Variants in PRKDC observed in about 807,000 individuals in gnomAD.
PRKDC encodes the protein DNA-dependent protein kinase catalytic subunit.
Under a neutral mutation model 486.9 loss-of-function variants are expected in PRKDC, and 82 were observed. The observed-to-expected ratio is 0.17, with a 90% CI of 0.14 to 0.20. The LOEUF is 0.20. PRKDC is among the 10% of genes least tolerant of loss of function. PRKDC has a pLI of 1.00. For synonymous variants in PRKDC, 1,895 were observed against 1,837.0 expected (o/e 1.03, Z -0.81); for missense variants, 4,504 against 5,038.2 (o/e 0.89, Z 3.21).
intron 73 of PRKDC, among the ~76,000 whole-genome samples, chr8:47,795,533 C>T (rs2086967238): frequency 7.1e-6 from 1 of 141,454 alleles, no homozygotes; most frequent in South Asian, 2.3e-4. Context: ...CACTGTATCG[C>T]TCAGGCTGGA....
In PRKDC at chr8:47,782,034, T is replaced by A; in HGVS notation, c.11489+128A>T. 1.4e-6 allele frequency: 1 copy of A among 713,046 alleles called. No individual in the cohort carries two copies. The highest frequency in any genetic ancestry group is 2.4e-6 in the Non-Finnish European group (1 of 423,718). The allele number at this position is 713,046 out of a possible 1,614,324, so 44.2% of individuals were successfully genotyped here. On this transcript the variant is annotated intron_variant, in intron 80 of 85. Coordinates refer to ENST00000314191, the MANE Select transcript of PRKDC (RefSeq NM_006904.7). This position sits in a 1 kb window ranked among gnomAD's most constrained non-coding sequence, Gnocchi z 4.9. Reference sequence around the variant, plus strand: ...GCAGCCAGCACTCCATTTGGTTTATTGACCCAGCCAGCAGACTGCGGGGCA... The same window carrying A: ...GCAGCCAGCACTCCATTTGGTTTATAGACCCAGCCAGCAGACTGCGGGGCA...
At chr8:47,823,673 G>A (rs2087658747) in intron 64 of PRKDC, among the ~76,000 whole-genome samples, 185 bp downstream of exon 64, 1 of 151,964 alleles carries the variant, frequency 6.6e-6, no homozygotes, top group Non-Finnish European at 1.5e-5. Context: ...CAGTTTCATA[G>A]TATGGTAGGC....
chr8:47,891,192 C>A (rs2089448395), intron 31 of PRKDC, among the ~76,000 whole-genome samples: 1 of 152,164 alleles, frequency 6.6e-6, no homozygotes, highest in Non-Finnish European at 1.5e-5. Flanking sequence ...GTTTATTACT[C>A]CAAGGTGCAC....
Position 47,859,747 on chromosome 8 carries a change from T to C in PRKDC, c.6071A>G (p.Tyr2024Cys), listed in dbSNP as rs770321679. Reference protein sequence around the residue: ...AANGDSDGPSYMSSLSYLADS... With the variant: ...AANGDSDGPSCMSSLSYLADS... ...TGCCAAATATGACAGGGAAGACATA[T>C]AGGAAGGACCATCTGAAATATAAAA... The change falls in exon 46 of 86, where the codon TAT becomes TGT. Residue 2024 changes from tyrosine to cysteine, a missense_variant. Coordinates refer to ENST00000314191, the MANE Select transcript of PRKDC (RefSeq NM_006904.7). 3.1e-6 allele frequency: 5 copies of C among 1,611,134 alleles called. No individual in the cohort carries two copies. The highest frequency in any genetic ancestry group is 4.5e-5 in the East Asian group (2 of 44,890).
In PRKDC at chr8:47,897,280, G is replaced by T. The variant is rs767391191; in HGVS notation, c.3479C>A (p.Ser1160Tyr). Residue 1160 changes from serine to tyrosine, a missense_variant, in exon 30 of 86, where the codon TCC becomes TAC. Ser to Tyr is a moderately radical substitution (Grantham distance 144, BLOSUM62 -2). Transcript: ENST00000314191. ...CAGATCCAATAAACACAATGATGCG[G>T]AAGGTGGAAATCCTCTGCACAGAGA... ...KRRLPRGFPP[S>Y]ASLCLLDLVK... 1.3e-6 allele frequency: 2 copies of T among 1,595,098 alleles called. No homozygotes were observed. Among genetic ancestry groups the T allele is most frequent in the Non-Finnish European group, 1.7e-6 (2 of 1,165,332 alleles).
chr8:47,903,869 G>A (rs1267263934), intron 26 of PRKDC, among the ~76,000 whole-genome samples: 4 of 152,054 alleles, frequency 2.6e-5, no homozygotes, highest in Non-Finnish European at 5.9e-5. Flanking sequence ...TTTATTATAG[G>A]TAGGATTCAC....
At position 47,900,467 on chromosome 8, in the gene PRKDC, C is replaced by G. The variant is rs779504008; in HGVS notation, c.3270G>C (p.Arg1090Ser). 1.2e-6 allele frequency: 2 copies of G among 1,601,492 alleles called. No homozygotes were observed. Among genetic ancestry groups the G allele is most frequent in the Non-Finnish European group, 1.7e-6 (2 of 1,173,670 alleles). Reference sequence around the variant, plus strand: ...ACTGTTCCACCAGAGACTCTTCTTCCCTGTAAAATAAAGAATAGGAAACCT... The same window carrying G: ...ACTGTTCCACCAGAGACTCTTCTTCGCTGTAAAATAAAGAATAGGAAACCT... Reference protein sequence around the residue: ...LAFNNIYREFREEESLVEQFV... With the variant: ...LAFNNIYREFSEEESLVEQFV... Residue 1090 changes from arginine to serine, a missense_variant and splice_region_variant, in exon 28 of 86, where the codon AGG becomes AGC. Physicochemically the swap from Arg to Ser is moderately radical, Grantham distance 110. Transcript: ENST00000314191.
intron 84 of PRKDC, among the ~76,000 whole-genome samples, chr8:47,777,274 T>A (rs2086624580): frequency 6.6e-6 from 1 of 152,040 alleles, no homozygotes; most frequent in Admixed American, 6.6e-5. Flanking sequence ...AGTGGCGTGA[T>A]CTCGGCTCAC....
intron 21 of PRKDC, among the ~76,000 whole-genome samples, chr8:47,922,033 G>C (rs915966880): frequency 2.0e-5 from 3 of 152,156 alleles, no homozygotes; most frequent in Non-Finnish European, 2.9e-5. Context: ...TGCCTACCTC[G>C]GCCTCCCTAA....
intron 66 of PRKDC, among the ~76,000 whole-genome samples, chr8:47,820,187 T>C (rs963857034): frequency 6.6e-6 from 1 of 151,954 alleles, no homozygotes; most frequent in Non-Finnish European, 1.5e-5. Flanking sequence ...CTGAGGCAGG[T>C]GAATCACCTG....
intron 77 of PRKDC, 95 bp from the exon 78 acceptor site, chr8:47,783,904 C>T: frequency 8.1e-7 from 1 of 1,227,998 alleles, no homozygotes; most frequent in Non-Finnish European, 1.2e-6. Flanking sequence ...AAAAGCCAAT[C>T]TAACATGATA....
intron 51 of PRKDC, among the ~76,000 whole-genome samples, chr8:47,853,432 G>A (rs532130431): frequency 3.5e-4 from 53 of 152,302 alleles, no homozygotes; most frequent in African/African-American, 7.0e-4. Flanking sequence ...CAGGGCAGGC[G>A]GAAACCCAGG....
At chr8:47,909,119 A>G (rs1436524584) in intron 25 of PRKDC, among the ~76,000 whole-genome samples, 1 of 152,120 alleles carries the variant, frequency 6.6e-6, no homozygotes, top group Admixed American at 6.5e-5. Flanking sequence ...GCCCATCTTC[A>G]GCCATAACAC....
intron 68 of PRKDC, among the ~76,000 whole-genome samples, chr8:47,811,724 C>T (rs1377322189): frequency 6.6e-6 from 1 of 152,134 alleles, no homozygotes; most frequent in Non-Finnish European, 1.5e-5. Flanking sequence ...CGCCTGTAAT[C>T]CCAGCACTTT....
intron 61 of PRKDC, among the ~76,000 whole-genome samples, 185 bp from the exon 62 acceptor site, chr8:47,828,532 G>A (rs373838620): frequency 6.6e-6 from 1 of 152,192 alleles, no homozygotes; most frequent in African/African-American, 2.4e-5. Flanking sequence ...AAATGTATCT[G>A]TTTGATGTAT....
rs903157181 is a variant in PRKDC at position 47,936,499 on chromosome 8, C to T, written c.1132G>A (p.Ala378Thr). 9.3e-6 allele frequency: 15 copies of T among 1,613,780 alleles called. No individual in the cohort carries two copies. The highest frequency in any genetic ancestry group is 1.6e-4 in the Middle Eastern group (1 of 6,084). Residue 378 changes from alanine (A) to threonine (T), a missense_variant, in exon 12 of 86, where the codon GCA becomes ACA. By Grantham distance (58) the Ala-to-Thr change is moderately conservative. Around this residue, in one of 6 missense-constraint regions of PRKDC, gnomAD observed 1,969 missense variants for 2,068.9 expected, o/e 0.95. Coordinates refer to ENST00000314191, the MANE Select transcript of PRKDC (RefSeq NM_006904.7). Reference protein sequence around the residue: ...LFAGPCKVINAKDVDFMYVEL... With the variant: ...LFAGPCKVINTKDVDFMYVEL... ...ACGTACATGAAGTCAACATCTTTTGCGTTTATAACCTTGCACGGCTTTAGA... is the reference window on the plus strand; with the variant it reads ...ACGTACATGAAGTCAACATCTTTTGTGTTTATAACCTTGCACGGCTTTAGA...
intron 25 of PRKDC, among the ~76,000 whole-genome samples, chr8:47,910,992 G>A (rs919714203): frequency 2.6e-5 from 4 of 152,112 alleles, no homozygotes; most frequent in African/African-American, 9.7e-5. Flanking sequence ...AATTCTTAGA[G>A]TTTATCAGCT....
chr8:47,904,776 G>A (rs764945228), intron 26 of PRKDC, 93 bp downstream of exon 26: 1 of 1,043,936 alleles, frequency 9.6e-7, no homozygotes, highest in Admixed American at 2.2e-5. Context: ...CTGGGCGACG[G>A]AGCAAGACTG....
chr8:47,950,994 AT>A (rs1185527291), intron 7 of PRKDC, among the ~76,000 whole-genome samples: 2 of 152,220 alleles, frequency 1.3e-5, no homozygotes, highest in African/African-American at 4.8e-5. Context: ...AATAAAAAAA[AT>A]AAAAAAACTG....
Sources: allele counts gnomAD v4.1 joint callset (sites outside exome capture counted in the v4.1 genomes callset), GRCh38; gene constraint gnomAD v4.1.1; regional missense constraint gnomAD v4.1.1; non-coding constraint Gnocchi (gnomAD v3.1); transcripts MANE v1.5; gene names NCBI Gene and HGNC (gene_info 2026-07-23, HGNC 2026-07-21).